NCOA2: variants seen among roughly 807,000 people sequenced by gnomAD.
NCOA2 encodes nuclear receptor coactivator 2.
A neutral mutation model predicts 145.1 loss-of-function variants in NCOA2; 21 were observed. The observed-to-expected ratio is 0.14, with a 90% CI of 0.10 to 0.21. NCOA2 has a LOEUF of 0.21. NCOA2 is among the 10% of genes least tolerant of loss of function. The pLI is 1.00. For missense variants in NCOA2, 1,472 were observed against 1,837.6 expected, an observed-to-expected ratio of 0.80 and a Z score of 3.64; for synonymous variants, 619 against 637.5, an observed-to-expected ratio of 0.97 and a Z score of 0.44.
intron 4 of NCOA2, among the ~76,000 whole-genome samples, chr8:70,186,757 T>TA (rs1336983513): frequency 1.3e-5 from 2 of 152,190 alleles, no homozygotes; most frequent in Non-Finnish European, 2.9e-5. Flanking sequence ...AGAGATCAGG[T>TA]AAAACAGTAG....
At chr8:70,226,182 G>A (rs1820619934) in intron 2 of NCOA2, among the ~76,000 whole-genome samples, 2 of 152,082 alleles carry the variant, frequency 1.3e-5, no homozygotes, top group Non-Finnish European at 1.5e-5. Context: ...CATTACGGAT[G>A]TAATTTAATT....
rs753646029 is a variant in NCOA2, at chr8:70,157,193, A to G, written c.1172T>C (p.Met391Thr). 3 of 1,591,120 alleles carry G rather than the reference A, an allele frequency of 1.9e-6. No individual in the cohort carries two copies. Among genetic ancestry groups the G allele is most frequent in the Middle Eastern group, 3.4e-4 (2 of 5,932 alleles). ...VMNPDLTGQTMGKPLNPISSN... is the reference protein window; with the variant it reads ...VMNPDLTGQTTGKPLNPISSN... ...GCTAATTGGATTCAGTGGCTTCCCC[A>G]TCGTTTGTCCAGTCAGATCCGGATT... Residue 391 changes from methionine to threonine, a missense_variant, in exon 11 of 23, where the codon ATG becomes ACG. Physicochemically the swap from Met to Thr is moderately conservative, Grantham distance 81. This residue lies in a region of NCOA2 where 953 missense variants were observed against 1,062.1 expected (regional missense o/e 0.90). Coordinates refer to ENST00000452400, the MANE Select transcript of NCOA2 (RefSeq NM_006540.4).
the NCOA2 span, among the ~76,000 whole-genome samples, chr8:70,446,646 C>T: frequency 6.6e-6 from 1 of 151,986 alleles, no homozygotes; most frequent in African/African-American, 2.4e-5. Context: ...CCAGAGAGTC[C>T]CCAGGAAGTA....
At chr8:70,395,230 GAAGTTTGAAT>G (rs1813544757) in intron 1 of NCOA2, among the ~76,000 whole-genome samples, 1 of 152,248 alleles carries the variant, frequency 6.6e-6, no homozygotes, top group African/African-American at 2.4e-5. Flanking sequence ...GAAGTGGTCA[GAAGTTTGAAT>G]CATTATTTAT....
intron 2 of NCOA2, among the ~76,000 whole-genome samples, chr8:70,240,140 T>C (rs996667237): frequency 6.6e-6 from 1 of 152,188 alleles, no homozygotes; most frequent in Non-Finnish European, 1.5e-5. Context: ...TAACACGGCC[T>C]TGAACCTCCA....
chr8:70,232,401 G>A (rs556810734), intron 2 of NCOA2, among the ~76,000 whole-genome samples: 1 of 152,282 alleles, frequency 6.6e-6, no homozygotes, highest in African/African-American at 2.4e-5. Context: ...AATTGCCCAG[G>A]CCCTTAGTCC....
intron 2 of NCOA2, among the ~76,000 whole-genome samples, chr8:70,275,069 T>C (rs1450248678): frequency 6.6e-6 from 1 of 152,212 alleles, no homozygotes; most frequent in African/African-American, 2.4e-5. Flanking sequence ...AAAAGGCATC[T>C]TTACCCAGCC....
chr8:70,228,747 A>G (rs1215537085), intron 2 of NCOA2, among the ~76,000 whole-genome samples: 2 of 152,264 alleles, frequency 1.3e-5, no homozygotes, highest in East Asian at 3.8e-4. Flanking sequence ...GCAAGTAATA[A>G]GCATGGAATG....
At chr8:70,399,459 G>A (rs1651607165) in intron 1 of NCOA2, among the ~76,000 whole-genome samples, 1 of 152,076 alleles carries the variant, frequency 6.6e-6, no homozygotes, top group African/African-American at 2.4e-5. Flanking sequence ...CTTATACTAT[G>A]GAAAAAGATC....
intron 1 of NCOA2, among the ~76,000 whole-genome samples, chr8:70,400,802 T>C (rs1199988440): frequency 1.3e-5 from 2 of 152,208 alleles, no homozygotes; most frequent in African/African-American, 2.4e-5. Context: ...TTTGTAAGAT[T>C]TGGCAAATAC....
At chr8:70,231,631 G>T (rs76851791) in intron 2 of NCOA2, among the ~76,000 whole-genome samples, 1 of 152,252 alleles carries the variant, frequency 6.6e-6, no homozygotes, top group East Asian at 1.9e-4. Context: ...TAACCTGCTG[G>T]GTGTTAATAG....
chr8:70,388,034 T>G (rs1812830883), intron 1 of NCOA2, among the ~76,000 whole-genome samples: 1 of 152,190 alleles, frequency 6.6e-6, no homozygotes, highest in Admixed American at 6.5e-5. Context: ...ATGGGGCAGA[T>G]AAGCTGTGTC....
chr8:70,448,745 CT>C, the NCOA2 span, among the ~76,000 whole-genome samples: 1 of 151,088 alleles, frequency 6.6e-6, no homozygotes, highest in Non-Finnish European at 1.5e-5. Flanking sequence ...AAAGAATATA[CT>C]TAATTATTGT....
intron 4 of NCOA2, among the ~76,000 whole-genome samples, chr8:70,195,594 C>T (rs942440433): frequency 6.6e-6 from 1 of 152,192 alleles, no homozygotes; most frequent in Non-Finnish European, 1.5e-5. Flanking sequence ...TGTCATTCAT[C>T]TGGCTTTTGG....
chr8:70,187,207 G>A (rs1816174127), intron 4 of NCOA2, among the ~76,000 whole-genome samples: 1 of 152,242 alleles, frequency 6.6e-6, no homozygotes, highest in African/African-American at 2.4e-5. Flanking sequence ...TGAAAGAGAG[G>A]TGGTTACAAT....
At chr8:70,114,188 C>T (rs1806827225) in intron 22 of NCOA2, among the ~76,000 whole-genome samples, 1 of 151,984 alleles carries the variant, frequency 6.6e-6, no homozygotes, top group Non-Finnish European at 1.5e-5. Flanking sequence ...GTTTTGACTC[C>T]TGGGGTTTTG....
chr8:70,318,096 C>G (rs1356257566), intron 1 of NCOA2, among the ~76,000 whole-genome samples: 3 of 152,142 alleles, frequency 2.0e-5, no homozygotes, highest in African/African-American at 7.2e-5. Context: ...TTGGGAAAGT[C>G]TTATAAAAGT....
At chr8:70,183,009 T>C (rs545815269) in intron 4 of NCOA2, among the ~76,000 whole-genome samples, 1 of 152,310 alleles carries the variant, frequency 6.6e-6, no homozygotes, top group African/African-American at 2.4e-5. Flanking sequence ...GATATGATAA[T>C]GGTGCATCTC....
chr8:70,128,531 T>C (rs1563490925), intron 17 of NCOA2, 21 bp from the exon 18 acceptor site: 4 of 1,607,232 alleles, frequency 2.5e-6, no homozygotes, highest in Non-Finnish European at 3.4e-6. Flanking sequence ...ACAAACAGGA[T>C]GAATACATTT....
Sources: gnomAD v4.1 joint callset for allele counts (sites outside exome capture counted in the v4.1 genomes callset) on GRCh38, gnomAD v4.1.1 for gene constraint, gnomAD v4.1.1 regional missense constraint, MANE v1.5 for transcripts, NCBI Gene and HGNC (gene_info 2026-07-23, HGNC 2026-07-21) for gene names.